NR3C2: variants seen among roughly 807,000 people sequenced by gnomAD.
The protein encoded by NR3C2 is nuclear receptor subfamily 3 group C member 2, also known as mineralocorticoid receptor.
In NR3C2, 15 loss-of-function variants were observed where a neutral mutation model predicts 86.4. The ratio of observed to expected loss-of-function variants is 0.17; its 90% CI spans 0.12 to 0.27. The LOEUF (loss-of-function observed/expected upper bound fraction) is 0.27, where lower values mean the gene tolerates loss of function less well. Among genes scored for constraint, NR3C2 ranks in the 10% least tolerant of loss-of-function variants. The pLI, the probability that NR3C2 is intolerant of heterozygous loss-of-function variation, is 1.00. For synonymous variants in NR3C2, 458 were observed against 450.5 expected, an observed-to-expected ratio of 1.02 and a Z score of -0.21; for missense variants, 960 against 1,195.6, an observed-to-expected ratio of 0.80 and a Z score of 2.91.
At chr4:148,444,708 A>G (rs1291586778), upstream of NR3C2, 1 of 984,894 alleles carries the variant, frequency 1.0e-6, no homozygotes, top group Non-Finnish European at 1.2e-6. Context: ...TAGTGCTGTT[A>G]CCCTACAAGA....
chr4:148,331,701 G>A (rs1181770235), intron 2 of NR3C2, among the ~76,000 whole-genome samples: 3 of 152,314 alleles, frequency 2.0e-5, no homozygotes, highest in Admixed American at 1.3e-4. Flanking sequence ...GTGACAAGGT[G>A]AAGAGAGATA....
intron 4 of NR3C2, among the ~76,000 whole-genome samples, chr4:148,169,784 G>T (rs931088186): frequency 6.6e-6 from 1 of 152,172 alleles, no homozygotes; most frequent in East Asian, 1.9e-4. Context: ...ATCGCCTCAG[G>T]GCTTACTCAA....
At chr4:148,278,982 T>C (rs956943002) in intron 2 of NR3C2, among the ~76,000 whole-genome samples, 5 of 151,772 alleles carry the variant, frequency 3.3e-5, no homozygotes, top group Admixed American at 6.6e-5. Context: ...GGCCACATAG[T>C]GAAACCCCGT....
At chr4:148,245,368 G>A (rs1330952242) in intron 3 of NR3C2, among the ~76,000 whole-genome samples, 1 of 152,128 alleles carries the variant, frequency 6.6e-6, no homozygotes, top group African/African-American at 2.4e-5. Flanking sequence ...GTCACATGAT[G>A]AAATAAAATA....
intron 2 of NR3C2, among the ~76,000 whole-genome samples, chr4:148,299,698 A>T (rs1450778504): frequency 6.6e-6 from 1 of 152,238 alleles, no homozygotes; most frequent in African/African-American, 2.4e-5. Context: ...AGAAACCTAC[A>T]TGCATAAGAA....
Position 148,154,584 on chromosome 4 carries a change from T to C in NR3C2, c.2332A>G (p.Ile778Val). 3.7e-6 allele frequency: 6 copies of C among 1,614,190 alleles called. No homozygotes were observed. The highest frequency in any genetic ancestry group is 5.1e-6 in the Non-Finnish European group (6 of 1,180,034). Reference protein sequence around the residue: ...TLNRLAGKQMIQVVKWAKVLP... With the variant: ...TLNRLAGKQMVQVVKWAKVLP... ...ACCTTTGCCCACTTCACGACTTGGA[T>C]CATCTGTTTGCCTGCTAAGCGGTTG... Residue 778 changes from isoleucine to valine, a missense_variant, in exon 5 of 9, where the codon ATC becomes GTC. This residue lies in a region of NR3C2 where 151 missense variants were observed against 296.3 expected (regional missense o/e 0.51). Transcript: ENST00000358102.
chr4:148,191,072 T>G (rs989254191), intron 4 of NR3C2, among the ~76,000 whole-genome samples: 10 of 152,116 alleles, frequency 6.6e-5, no homozygotes, highest in African/African-American at 1.7e-4. Context: ...TTTTGCTTTA[T>G]AGATCTGTGT....
intron 2 of NR3C2, among the ~76,000 whole-genome samples, chr4:148,306,987 CA>C (rs1231924475): frequency 9.9e-5 from 15 of 152,068 alleles, no homozygotes; most frequent in African/African-American, 3.6e-4. Context: ...CCTTAATTTA[CA>C]TCTTAATATC....
At position 148,085,107 on chromosome 4, in the gene NR3C2, CAA is replaced by C. The variant is rs376908618; in HGVS notation, c.2800-3610_2800-3609del. Among the ~76,000 whole-genome samples, 206 of 152,240 alleles carry C rather than the reference CAA, an allele frequency of 1.4e-3. 2 individuals are homozygous for C. In the East Asian group the frequency reaches 0.021, roughly 16 times the overall value. ...TTAGATCAATGAGACAGAAAATTAA[CAA>C]AGATATTCAGGACTTGAACTCAGCT... On this transcript the variant is annotated intron_variant, in intron 8 of 8. Transcript: ENST00000358102.
intron 2 of NR3C2, among the ~76,000 whole-genome samples, chr4:148,267,522 G>A (rs752503277): frequency 6.6e-6 from 1 of 151,812 alleles, no homozygotes; most frequent in Non-Finnish European, 1.5e-5. Context: ...GTAAAACAAT[G>A]GTAAGCAGAA....
intron 3 of NR3C2, among the ~76,000 whole-genome samples, chr4:148,205,684 C>T (rs1736967502): frequency 6.6e-6 from 1 of 152,136 alleles, no homozygotes; most frequent in Non-Finnish European, 1.5e-5. Context: ...AGAGTGGCTC[C>T]TAAGCAAATT....
At chr4:148,324,961 G>T (rs529195281) in intron 2 of NR3C2, among the ~76,000 whole-genome samples, 8 of 152,188 alleles carry the variant, frequency 5.3e-5, no homozygotes, top group Non-Finnish European at 1.2e-4. Flanking sequence ...CAAATTACAT[G>T]GGCATGAGAG....
At chr4:148,280,138 C>T (rs902084632) in intron 2 of NR3C2, among the ~76,000 whole-genome samples, 4 of 152,152 alleles carry the variant, frequency 2.6e-5, no homozygotes, top group Non-Finnish European at 5.9e-5. Context: ...TAAACCTAGC[C>T]TTTAACAAAA....
At chr4:148,351,640 G>A (rs1166575186) in intron 2 of NR3C2, among the ~76,000 whole-genome samples, 9 of 152,296 alleles carry the variant, frequency 5.9e-5, no homozygotes, top group South Asian at 2.1e-4. Flanking sequence ...AGAGCAGGGC[G>A]AGGGCAGCAT....
intron 2 of NR3C2, among the ~76,000 whole-genome samples, chr4:148,310,978 G>A (rs1742873864): frequency 6.6e-6 from 1 of 152,078 alleles, no homozygotes; most frequent in African/African-American, 2.4e-5. Context: ...TAAATCCAAT[G>A]GATGACTCTC....
rs1382329303 is a variant in NR3C2, at chr4:148,079,724, ATC to A, written c.*1618_*1619del. ...TTAGTGCCACTGTCTTGCTTATATG[ATC>A]TGTAATTTTTCTCCAAAACTGTTTA... is the stretch of plus-strand genomic sequence containing the variant. On this transcript the variant is annotated 3_prime_UTR_variant, in exon 9 of 9. Coordinates refer to ENST00000358102, the MANE Select transcript of NR3C2 (RefSeq NM_000901.5). 5.2e-5 allele frequency: 8 copies of A among 152,660 alleles called. No homozygotes were observed. The highest frequency in any genetic ancestry group is 1.9e-4 in the African/African-American group (8 of 41,462). 9.5% of individuals were successfully genotyped at this position (152,660 alleles called of 1,614,324 possible).
chr4:148,445,004 C>T (rs556181784), upstream of NR3C2: 4 of 984,726 alleles, frequency 4.1e-6, no homozygotes, highest in South Asian at 9.4e-5. Flanking sequence ...CCTGCGCCCC[C>T]CTCCCCGGGT....
At chr4:148,191,028 G>A (rs538833227) in intron 4 of NR3C2, among the ~76,000 whole-genome samples, 5 of 151,988 alleles carry the variant, frequency 3.3e-5, no homozygotes, top group Admixed American at 2.0e-4. Flanking sequence ...TTTGTTGCCT[G>A]TGTACTTTGG....
chr4:148,412,821 G>GCACACACA (rs370759208), intron 2 of NR3C2, among the ~76,000 whole-genome samples: 6 of 115,952 alleles, frequency 5.2e-5, no homozygotes, highest in African/African-American at 8.4e-5. Context: ...GCACATGTGC[G>GCACACACA]CACACACACA....
Sources: allele counts gnomAD v4.1 joint callset (sites outside exome capture counted in the v4.1 genomes callset), GRCh38; gene constraint gnomAD v4.1.1; regional missense constraint gnomAD v4.1.1; transcripts MANE v1.5; gene names NCBI Gene and HGNC (gene_info 2026-07-23, HGNC 2026-07-21).